Variants in GAS7 observed in about 807,000 individuals in gnomAD.
GAS7 encodes growth arrest specific 7.
GAS7 carries 28 observed loss-of-function variants against 71.1 expected under a neutral mutation model. The observed-to-expected ratio is 0.39, with a 90% CI of 0.29 to 0.54. The LOEUF (loss-of-function observed/expected upper bound fraction) is 0.54, where lower values mean the gene tolerates loss of function less well. Ranked by LOEUF, GAS7 falls within the 20% of genes least tolerant of loss-of-function variation. The pLI, the probability that GAS7 is intolerant of heterozygous loss-of-function variation, is 0.62. For synonymous variants in GAS7, 258 were observed against 245.8 expected, an observed-to-expected ratio of 1.05 and a Z score of -0.46; for missense variants, 436 against 627.8, an observed-to-expected ratio of 0.69 and a Z score of 3.27.
chr17:9,918,340 G>A (rs561005744), intron 12 of GAS7, among the ~76,000 whole-genome samples: 9 of 152,310 alleles, frequency 5.9e-5, no homozygotes, highest in East Asian at 1.9e-4. Flanking sequence ...CTTTACGTGC[G>A]TTCCTTAACT....
intron 1 of GAS7, among the ~76,000 whole-genome samples, chr17:10,029,420 C>G (rs1597723606): frequency 6.6e-6 from 1 of 152,244 alleles, no homozygotes; most frequent in Middle Eastern, 3.4e-3. Flanking sequence ...ACAAAAGGAT[C>G]CAGGCTGAAC....
At position 9,914,860 on chromosome 17, in the gene GAS7, GAAC is replaced by G. The variant is rs1325602213; in HGVS notation, c.*2365_*2367del. 5 of 231,440 alleles carry G rather than the reference GAAC, an allele frequency of 2.2e-5. No homozygotes were observed. The highest frequency in any genetic ancestry group is 4.4e-5 in the African/African-American group (2 of 45,228). 14.3% of individuals were successfully genotyped at this position (231,440 alleles called of 1,614,324 possible). ...TCGCTGAATGAATGCAGATTAATCA[GAAC>G]AACAGACTTACCTCTGAAAACTTAA... On this transcript the variant is annotated 3_prime_UTR_variant, in exon 14 of 14. Transcript: ENST00000432992.
At position 9,969,791 on chromosome 17, in the gene GAS7, C is replaced by T. The variant is rs748728624; in HGVS notation, c.386-29G>A. The T allele has an allele frequency of 8.4e-6, 12 of 1,434,206 alleles. No individual in the cohort carries two copies. The Admixed American group carries it at 1.3e-4, about 16-fold the overall frequency. 88.8% of individuals were successfully genotyped at this position (1,434,206 alleles called of 1,614,324 possible). ...CAGGGACAGAGACACGGCTCAGATG[C>T]TGTGTGGGCCACAGATGGGCACCCC... On this transcript the variant is annotated intron_variant, in intron 3 of 13. Transcript: ENST00000432992. This position sits in a 1 kb window ranked among gnomAD's most constrained non-coding sequence, Gnocchi z 5.5.
chr17:10,085,116 G>A (rs541081389), intron 1 of GAS7, among the ~76,000 whole-genome samples: 1 of 152,296 alleles, frequency 6.6e-6, no homozygotes, highest in Non-Finnish European at 1.5e-5. Context: ...CTGTTTTCAG[G>A]AGGTTTCCCC....
At chr17:10,053,640 G>C (rs2073094002) in intron 1 of GAS7, among the ~76,000 whole-genome samples, 1 of 152,114 alleles carries the variant, frequency 6.6e-6, no homozygotes, top group South Asian at 2.1e-4. Flanking sequence ...GCCCACAGAT[G>C]CAAGTGCTGA....
chr17:9,960,861 G>A (rs1044166882), intron 4 of GAS7, among the ~76,000 whole-genome samples: 1 of 152,242 alleles, frequency 6.6e-6, no homozygotes, highest in Non-Finnish European at 1.5e-5. Flanking sequence ...TCACAGACAA[G>A]AAAATGATTA....
At chr17:9,965,312 T>A (rs1037728536) in intron 4 of GAS7, among the ~76,000 whole-genome samples, 6 of 152,170 alleles carry the variant, frequency 3.9e-5, no homozygotes, top group African/African-American at 1.2e-4. Flanking sequence ...GTGGCATATA[T>A]ACATAATGGA....
At chr17:9,994,206 A>G (rs544577102) in intron 2 of GAS7, among the ~76,000 whole-genome samples, 4,131 of 151,196 alleles carry the variant, frequency 0.027, 164 homozygotes, top group African/African-American at 0.093. Flanking sequence ...GAACCAAAAA[A>G]GAGCCCACAT....
At chr17:10,118,223 G>A (rs1411685251) in intron 1 of GAS7, among the ~76,000 whole-genome samples, 2 of 152,236 alleles carry the variant, frequency 1.3e-5, no homozygotes, top group Admixed American at 6.5e-5. Flanking sequence ...CTGAGCCCTC[G>A]GTTTCTCAGC....
At chr17:10,013,127 A>G (rs576941847) in intron 2 of GAS7, among the ~76,000 whole-genome samples, 1 of 151,984 alleles carries the variant, frequency 6.6e-6, no homozygotes, top group South Asian at 2.1e-4. Flanking sequence ...AAAAATTAAA[A>G]AAAGAGAAAC....
chr17:10,005,259 A>ACATACATGTATGTATATGTATATACATG (rs1336000165), intron 2 of GAS7, among the ~76,000 whole-genome samples: 4 of 147,364 alleles, frequency 2.7e-5, no homozygotes, highest in African/African-American at 5.3e-5. Flanking sequence ...GTGTGTGCAC[A>ACATACATGTATGTATATGTATATACATG]CATACATGTA....
intron 9 of GAS7, among the ~76,000 whole-genome samples, chr17:9,930,687 CAG>C (rs1036642669): frequency 2.6e-5 from 4 of 152,206 alleles, no homozygotes; most frequent in Non-Finnish European, 4.4e-5. Flanking sequence ...ACCCCTGACA[CAG>C]AGCATTCAGA....
chr17:10,023,305 G>A (rs2072341304), intron 1 of GAS7, among the ~76,000 whole-genome samples: 1 of 152,190 alleles, frequency 6.6e-6, no homozygotes, highest in African/African-American at 2.4e-5. Flanking sequence ...CCTGATGGCT[G>A]ACTTTAAAAG....
At chr17:10,059,933 G>T in intron 1 of GAS7, 1 of 414,998 alleles carries the variant, frequency 2.4e-6, no homozygotes, top group Non-Finnish European at 3.2e-6. Flanking sequence ...CATGTCCACA[G>T]CCTTCCAGGG....
At chr17:10,057,576 G>A (rs924414516) in intron 1 of GAS7, among the ~76,000 whole-genome samples, 16 of 151,616 alleles carry the variant, frequency 1.1e-4, no homozygotes, top group Non-Finnish European at 1.6e-4. Flanking sequence ...CCGTCAGGGA[G>A]GGAGGTGGGG....
At chr17:9,971,346 C>G (rs1379586422) in intron 3 of GAS7, among the ~76,000 whole-genome samples, 1 of 152,004 alleles carries the variant, frequency 6.6e-6, no homozygotes, top group African/African-American at 2.4e-5. Flanking sequence ...ACTGCTTGAG[C>G]CTAGGAGTTT....
Position 10,034,481 on chromosome 17 carries a change from G to C in GAS7, c.184-14584C>G, listed in dbSNP as rs1003469308. 2.0e-5 allele frequency among the ~76,000 whole-genome samples: 3 copies of C among 151,892 alleles called. No individual in the cohort carries two copies. Among genetic ancestry groups the C allele is most frequent in the East Asian group, 1.9e-4 (1 of 5,178 alleles). On this transcript the variant is annotated intron_variant, in intron 1 of 13. Transcript: ENST00000432992. The surrounding 1 kb of genome is among the most constrained non-coding windows in gnomAD (Gnocchi z 4.4). The stretch of plus-strand genomic sequence containing the variant: ...CTATCACCACGCCTGGCTAATTTTT[G>C]TATTTTTAGTAGACACGGGGTTTCA...
chr17:9,931,765 G>A (rs1273795626), intron 9 of GAS7, among the ~76,000 whole-genome samples: 1 of 152,172 alleles, frequency 6.6e-6, no homozygotes, highest in Non-Finnish European at 1.5e-5. Flanking sequence ...TCACATCTGG[G>A]TGTCAACTCA....
intron 1 of GAS7, among the ~76,000 whole-genome samples, chr17:10,152,059 TGGTTCC>T (rs2074170626): frequency 3.2e-4 from 49 of 152,190 alleles, no homozygotes; most frequent in Admixed American, 3.0e-3. Flanking sequence ...CAGTGATGCC[TGGTTCC>T]AGGGACTCAC....
Sources: gnomAD v4.1 joint callset for allele counts (sites outside exome capture counted in the v4.1 genomes callset) on GRCh38, gnomAD v4.1.1 for gene constraint, Gnocchi (gnomAD v3.1) non-coding constraint, MANE v1.5 for transcripts, NCBI Gene and HGNC (gene_info 2026-07-23, HGNC 2026-07-21) for gene names.